Variants in XYLT1 observed in about 807,000 individuals in gnomAD.
XYLT1 encodes beta-D-xylosyltransferase 1.
XYLT1 carries 36 observed loss-of-function variants against 91.3 expected under a neutral mutation model. The ratio of observed to expected loss-of-function variants is 0.39; its 90% CI spans 0.30 to 0.52. XYLT1 has a LOEUF of 0.52. XYLT1 is among the 20% of genes least tolerant of loss of function. The pLI, the probability that XYLT1 is intolerant of heterozygous loss-of-function variation, is 0.68. For missense variants in XYLT1, 1,242 were observed against 1,284.5 expected (o/e 0.97, Z 0.51); for synonymous variants, 588 against 532.0 (o/e 1.11, Z -1.45).
chr16:17,151,047 C>A (rs1360808724), intron 6 of XYLT1, among the ~76,000 whole-genome samples: 1 of 152,164 alleles, frequency 6.6e-6, no homozygotes, highest in Non-Finnish European at 1.5e-5. Flanking sequence ...AGGGACATAC[C>A]ACCCACAAGT....
At chr16:17,158,693 G>A (rs920745440) in intron 6 of XYLT1, 136 bp downstream of exon 6, 52 of 861,364 alleles carry the variant, frequency 6.0e-5, no homozygotes, top group Middle Eastern at 2.3e-4. Context: ...CAGACACAGC[G>A]AAGGACAGCT....
At chr16:17,376,564 C>A (rs945189241) in intron 1 of XYLT1, among the ~76,000 whole-genome samples, 1 of 152,166 alleles carries the variant, frequency 6.6e-6, no homozygotes, top group African/African-American at 2.4e-5. Context: ...CAGTGGCTCA[C>A]GCCTATAATC....
At chr16:17,334,895 C>T (rs542785673) in intron 2 of XYLT1, among the ~76,000 whole-genome samples, 35 of 147,482 alleles carry the variant, frequency 2.4e-4, no homozygotes, top group Non-Finnish European at 4.8e-4. Flanking sequence ...AAAACAAAAA[C>T]AAAAAAAAGA....
chr16:17,143,734 T>TAC (rs2031049703), intron 6 of XYLT1, among the ~76,000 whole-genome samples: 1 of 152,004 alleles, frequency 6.6e-6, no homozygotes, highest in African/African-American at 2.4e-5. Context: ...TCATTGCCAT[T>TAC]ACCATCATCA....
At chr16:17,270,249 T>C (rs1202252093) in intron 2 of XYLT1, among the ~76,000 whole-genome samples, 1 of 152,248 alleles carries the variant, frequency 6.6e-6, no homozygotes. Flanking sequence ...TCTGGCTTTG[T>C]TTATGTTTGA....
intron 1 of XYLT1, among the ~76,000 whole-genome samples, chr16:17,362,293 T>C (rs919775365): frequency 2.0e-5 from 3 of 152,198 alleles, no homozygotes; most frequent in Non-Finnish European, 2.9e-5. Context: ...ACATGGTTGA[T>C]AGAAATTAGC....
At chr16:17,438,127 C>A (rs1321654195) in intron 1 of XYLT1, among the ~76,000 whole-genome samples, 36 of 152,026 alleles carry the variant, frequency 2.4e-4, no homozygotes, top group Admixed American at 2.4e-3. Flanking sequence ...CCCTTAATGG[C>A]CAGAGAGGGA....
At chr16:17,114,244 T>C (rs146296793) in intron 11 of XYLT1, among the ~76,000 whole-genome samples, 8 of 152,366 alleles carry the variant, frequency 5.3e-5, no homozygotes, top group Non-Finnish European at 1.0e-4. Context: ...CCCTGAGTTC[T>C]GTGAGCTGCT....
rs557165042 is a variant in XYLT1 at position 17,141,448 on chromosome 16, C to A, written c.1371-79G>T. The A allele has an allele frequency of 7.8e-5, 109 of 1,398,098 alleles. 2 individuals are homozygous for A. In the Middle Eastern group the frequency reaches 1.9e-3, roughly 24 times the overall value. The allele number at this position is 1,398,098 out of a possible 1,614,324, so 86.6% of individuals were successfully genotyped here. On this transcript the variant is annotated intron_variant, in intron 6 of 11. Coordinates refer to ENST00000261381, the MANE Select transcript of XYLT1 (RefSeq NM_022166.4). ...CAGCCAGAGTCCAAATAAAACAACA[C>A]AATCATAGCGATGATGGCAATTATT...
intron 3 of XYLT1, among the ~76,000 whole-genome samples, chr16:17,242,903 G>T (rs375530865): frequency 3.3e-5 from 5 of 152,204 alleles, no homozygotes; most frequent in African/African-American, 1.2e-4. Context: ...CACTTAGCGT[G>T]AAGTCCCCCA....
intron 1 of XYLT1, among the ~76,000 whole-genome samples, chr16:17,450,859 C>T (rs939026636): frequency 2.6e-5 from 4 of 152,154 alleles, no homozygotes; most frequent in African/African-American, 9.7e-5. Flanking sequence ...TGTAAGACAC[C>T]ACCACCCTCA....
chr16:17,326,203 T>C (rs1032156695), intron 2 of XYLT1, among the ~76,000 whole-genome samples: 11 of 151,300 alleles, frequency 7.3e-5, no homozygotes, highest in African/African-American at 2.4e-4. Flanking sequence ...CATTTTTAAG[T>C]ATACAATGCA....
intron 2 of XYLT1, among the ~76,000 whole-genome samples, chr16:17,322,560 C>A (rs903143223): frequency 6.6e-6 from 1 of 152,178 alleles, no homozygotes; most frequent in African/African-American, 2.4e-5. Flanking sequence ...CAGAAAGGAT[C>A]GAATTCCAGC....
intron 1 of XYLT1, among the ~76,000 whole-genome samples, chr16:17,441,687 A>G (rs1468737820): frequency 6.6e-6 from 1 of 152,172 alleles, no homozygotes; most frequent in Non-Finnish European, 1.5e-5. Flanking sequence ...CTAAGTAGCA[A>G]TCGCAAGAAC....
intron 2 of XYLT1, among the ~76,000 whole-genome samples, chr16:17,331,157 C>G (rs2034893257): frequency 6.6e-6 from 1 of 152,224 alleles, no homozygotes; most frequent in African/African-American, 2.4e-5. Flanking sequence ...GCCTCTAAAG[C>G]CAAGAAGGCA....
At chr16:17,119,747 C>T (rs1223508027) in intron 10 of XYLT1, among the ~76,000 whole-genome samples, 1 of 152,186 alleles carries the variant, frequency 6.6e-6, no homozygotes, top group African/African-American at 2.4e-5. Context: ...TGAGATAACT[C>T]GCTATGGTCA....
chr16:17,126,724 G>A (rs1348969966), intron 10 of XYLT1, among the ~76,000 whole-genome samples: 1 of 152,178 alleles, frequency 6.6e-6, no homozygotes, highest in African/African-American at 2.4e-5. Context: ...AGGGATGTGA[G>A]GAAGGCAGAA....
chr16:17,370,266 T>C (rs1348950486), intron 1 of XYLT1, among the ~76,000 whole-genome samples: 2 of 152,188 alleles, frequency 1.3e-5, no homozygotes, highest in Non-Finnish European at 2.9e-5. Flanking sequence ...CCCAAGCAAG[T>C]TGATAATCAA....
intron 1 of XYLT1, among the ~76,000 whole-genome samples, chr16:17,383,306 A>G (rs185768690): frequency 1.3e-5 from 2 of 151,834 alleles, no homozygotes; most frequent in Non-Finnish European, 2.9e-5. Flanking sequence ...TATCCTTCCC[A>G]ATTCAAGACG....
Sources: gnomAD v4.1 joint callset for allele counts (sites outside exome capture counted in the v4.1 genomes callset) on GRCh38, gnomAD v4.1.1 for gene constraint, MANE v1.5 for transcripts, NCBI Gene and HGNC (gene_info 2026-07-23, HGNC 2026-07-21) for gene names.